Variants in BACE1 observed in about 807,000 individuals in gnomAD.
BACE1 encodes beta-secretase 1.
A neutral mutation model predicts 54.0 loss-of-function variants in BACE1; 21 were observed. The observed-to-expected ratio is 0.39, with a 90% CI of 0.28 to 0.56. BACE1 has a LOEUF of 0.56. Ranked by LOEUF, BACE1 falls within the 20% of genes least tolerant of loss-of-function variation. The pLI is 0.63. For missense variants in BACE1, 511 were observed against 661.2 expected (o/e 0.77, Z 2.49); for synonymous variants, 232 against 260.9 (o/e 0.89, Z 1.07).
At chr11:117,291,072 A>G (rs2034415478) in intron 6 of BACE1, 23 bp from the exon 7 acceptor site, 2 of 1,612,292 alleles carry the variant, frequency 1.2e-6, no homozygotes, top group Non-Finnish European at 1.7e-6. Flanking sequence ...GAAGGGGATA[A>G]CAATGAGGAA....
chr11:117,306,023 G>A (rs1227694474), intron 1 of BACE1, among the ~76,000 whole-genome samples: 1 of 152,110 alleles, frequency 6.6e-6, no homozygotes, highest in Non-Finnish European at 1.5e-5. Flanking sequence ...GCGACAGAGT[G>A]AGACTCCGTC....
chr11:117,310,403 TA>T (rs2034920274), intron 1 of BACE1, among the ~76,000 whole-genome samples: 1 of 152,130 alleles, frequency 6.6e-6, no homozygotes, highest in South Asian at 2.1e-4. Context: ...AATAAATAAA[TA>T]AAATTAAAAA....
In BACE1 at chr11:117,315,882, G is replaced by A. The variant is rs2035104943; in HGVS notation, c.-87C>T. 2 of 1,344,806 alleles carry A rather than the reference G, an allele frequency of 1.5e-6. No homozygotes were observed. Among genetic ancestry groups the A allele is most frequent in the Non-Finnish European group, 1.9e-6 (2 of 1,049,258 alleles). The allele number at this position is 1,344,806 out of a possible 1,614,324, so 83.3% of individuals were successfully genotyped here. On this transcript the variant is annotated 5_prime_UTR_variant, in exon 1 of 9. Coordinates refer to ENST00000313005, the MANE Select transcript of BACE1 (RefSeq NM_012104.6). The surrounding 1 kb of genome is among the most constrained non-coding windows in gnomAD (Gnocchi z 5.5). ...GCCCCCAAGTCTGGGTGGTGCTGGT[G>A]GCTTCTCAGGAGAGGGAGCTTGGGG...
intron 1 of BACE1, among the ~76,000 whole-genome samples, chr11:117,309,938 TCA>T (rs1024780294): frequency 6.6e-6 from 1 of 152,226 alleles, no homozygotes; most frequent in Non-Finnish European, 1.5e-5. Context: ...AGACAGGGTC[TCA>T]CTCTGTCACC....
At chr11:117,298,518 C>G (rs969026546) in intron 1 of BACE1, among the ~76,000 whole-genome samples, 11 of 152,190 alleles carry the variant, frequency 7.2e-5, no homozygotes, top group African/African-American at 2.7e-4. Context: ...GGCTTATCCC[C>G]TCCAGCTCAG....
chr11:117,309,879 T>C (rs1341877757), intron 1 of BACE1, among the ~76,000 whole-genome samples: 1 of 152,200 alleles, frequency 6.6e-6, no homozygotes, highest in Non-Finnish European at 1.5e-5. Context: ...GTGATGCTCA[T>C]AATATCAAAA....
chr11:117,296,452 C>T (rs1313583187), intron 2 of BACE1, among the ~76,000 whole-genome samples: 1 of 152,126 alleles, frequency 6.6e-6, no homozygotes, highest in African/African-American at 2.4e-5. Flanking sequence ...TGGGTAAGAA[C>T]ACAGCAAGGG....
intron 1 of BACE1, among the ~76,000 whole-genome samples, chr11:117,313,136 G>A (rs1342868008): frequency 1.3e-5 from 2 of 152,200 alleles, no homozygotes; most frequent in Non-Finnish European, 2.9e-5. Flanking sequence ...GGAAGAAAGG[G>A]CGTCCTTCTT....
At chr11:117,311,477 A>G (rs183776818) in intron 1 of BACE1, among the ~76,000 whole-genome samples, 2 of 151,932 alleles carry the variant, frequency 1.3e-5, no homozygotes, top group African/African-American at 2.4e-5. Context: ...CTTCACACCA[A>G]TGTCACCAAA....
At chr11:117,305,761 C>T (rs2034818211) in intron 1 of BACE1, among the ~76,000 whole-genome samples, 1 of 152,058 alleles carries the variant, frequency 6.6e-6, no homozygotes, top group African/African-American at 2.4e-5. Context: ...ATCAGCCGCG[C>T]GCAGTGGCTC....
chr11:117,290,628 G>T lies in BACE1; in HGVS notation c.1124C>A (p.Thr375Lys), dbSNP rs1031262289. Reference protein sequence around the residue: ...QYLRPVEDVATSQDDCYKFAI... With the variant: ...QYLRPVEDVAKSQDDCYKFAI... ...AAACTTGTAACAGTCGTCTTGGGAC[G>T]TGGCCACATCTTCCACTGGCCGCAG... Residue 375 changes from threonine to lysine, a missense_variant, in exon 8 of 9, where the codon ACG becomes AAG. Thr to Lys is a moderately conservative substitution (Grantham distance 78). This residue lies in a region of BACE1 where 407 missense variants were observed against 565.7 expected (regional missense o/e 0.72). Transcript: ENST00000313005. 2 of 1,614,218 alleles carry T rather than the reference G, an allele frequency of 1.2e-6. No homozygotes were observed. Among genetic ancestry groups the T allele is most frequent in the Admixed American group, 1.7e-5 (1 of 60,024 alleles).
intron 5 of BACE1, chr11:117,292,182 T>C (rs1182041780): frequency 1.3e-4 from 2 of 15,832 alleles, no homozygotes; most frequent in Non-Finnish European, 1.7e-4. Flanking sequence ...TTTTCTTTTC[T>C]TTTTTTTTTT....
intron 1 of BACE1, among the ~76,000 whole-genome samples, chr11:117,305,415 G>T (rs1024572444): frequency 3.3e-5 from 5 of 152,122 alleles, no homozygotes; most frequent in Admixed American, 2.6e-4. Flanking sequence ...AGCCAGCCCT[G>T]TGCAAATGGA....
Position 117,286,057 on chromosome 11 carries a change from GTT to G in BACE1, c.*3507_*3508del, listed in dbSNP as rs2034251999. On this transcript the variant is annotated 3_prime_UTR_variant, in exon 9 of 9. Transcript: ENST00000313005. Reference sequence around the variant, plus strand: ...GTTAAGGCAGTTGGTTCACAACCAAGTTGTTTGGTGACCTTGGGTGAGCTCCA... The same window carrying G: ...GTTAAGGCAGTTGGTTCACAACCAAGGTTTGGTGACCTTGGGTGAGCTCCA... 6.6e-6 allele frequency: 1 copy of G among 152,668 alleles called. No individual in the cohort carries two copies. 9.5% of individuals were successfully genotyped at this position (152,668 alleles called of 1,614,324 possible).
rs199579989 is a variant in BACE1 at position 117,290,482 on chromosome 11, T to A, written c.1264+6A>T. On this transcript the variant is annotated splice_donor_region_variant and intron_variant, in intron 8 of 8. Coordinates refer to ENST00000313005, the MANE Select transcript of BACE1 (RefSeq NM_012104.6). ...GACCCCAAACCCTCAGCCCTGGCAC[T>A]CTCACCATGGCAAGCGCTGACAGCA... The A allele has an allele frequency of 1.2e-5, 19 of 1,613,784 alleles. No homozygotes were observed. In the East Asian group the frequency reaches 3.6e-4, roughly 30 times the overall value.
At position 117,293,810 on chromosome 11, in the gene BACE1, A is replaced by G. The variant is rs1331942287; in HGVS notation, c.705+61T>C. The G allele has an allele frequency of 4.4e-5, 67 of 1,519,502 alleles. No homozygotes were observed. The highest frequency in any genetic ancestry group is 5.7e-5 in the Non-Finnish European group (65 of 1,131,570). The allele number at this position is 1,519,502 out of a possible 1,614,324, so 94.1% of individuals were successfully genotyped here. A position where few individuals can be genotyped will look rare whatever the true frequency, so the allele number is the denominator to read the frequency against. On this transcript the variant is annotated intron_variant, in intron 4 of 8. Coordinates refer to ENST00000313005, the MANE Select transcript of BACE1 (RefSeq NM_012104.6). The surrounding 1 kb of genome is among the most constrained non-coding windows in gnomAD (Gnocchi z 4.1). Reference sequence around the variant, plus strand: ...CTGTGGTGTAGCTTTCAGGAAGGGGAGAGGATGGCACCCATCTCTCCCTCA... The same window carrying G: ...CTGTGGTGTAGCTTTCAGGAAGGGGGGAGGATGGCACCCATCTCTCCCTCA...
chr11:117,301,685 G>A (rs1180973314), intron 1 of BACE1, among the ~76,000 whole-genome samples: 1 of 151,992 alleles, frequency 6.6e-6, no homozygotes, highest in African/African-American at 2.4e-5. Context: ...CTGCCTTCCA[G>A]TGTTCCTTAT....
intron 6 of BACE1, among the ~76,000 whole-genome samples, 170 bp downstream of exon 6, chr11:117,291,542 C>T (rs566642429): frequency 7.2e-5 from 11 of 152,274 alleles, no homozygotes; most frequent in African/African-American, 2.4e-4. Flanking sequence ...TCCCAAAGTG[C>T]TGGGATTACA....
chr11:117,294,217 A>ATT (rs2034536437), intron 3 of BACE1: 2 of 380,942 alleles, frequency 5.3e-6, no homozygotes, highest in African/African-American at 2.1e-5. Context: ...AGATTCATAG[A>ATT]TCTTTTTTTT....
Sources: allele counts gnomAD v4.1 joint callset (sites outside exome capture counted in the v4.1 genomes callset), GRCh38; gene constraint gnomAD v4.1.1; regional missense constraint gnomAD v4.1.1; non-coding constraint Gnocchi (gnomAD v3.1); transcripts MANE v1.5; gene names NCBI Gene and HGNC (gene_info 2026-07-23, HGNC 2026-07-21).